Variants in MAPK10 observed in about 807,000 individuals in gnomAD.
MAPK10 encodes JNK3 alpha protein kinase.
Under a neutral mutation model 59.3 loss-of-function variants are expected in MAPK10, and 25 were observed. The observed-to-expected ratio is 0.42, with a 90% CI of 0.31 to 0.59. MAPK10 has a LOEUF of 0.59. MAPK10 is among the 20% of genes least tolerant of loss of function. The pLI is 0.15. For missense variants in MAPK10, 351 were observed against 568.9 expected (o/e 0.62, Z 3.90); for synonymous variants, 190 against 200.5 (o/e 0.95, Z 0.44).
At chr4:86,464,922 GT>G (rs1236552298) in intron 1 of MAPK10, among the ~76,000 whole-genome samples, 1 of 152,152 alleles carries the variant, frequency 6.6e-6, no homozygotes, top group Non-Finnish European at 1.5e-5. Context: ...TAATCGCCTA[GT>G]TGCTAATGCA....
chr4:86,136,711 G>A (rs537878209), intron 4 of MAPK10, among the ~76,000 whole-genome samples: 4,996 of 147,764 alleles, frequency 0.034, 317 homozygotes, highest in African/African-American at 0.12. Context: ...AAATGGACTA[G>A]ATGCTCCAAT....
At chr4:86,283,773 G>A (rs2094904600) in intron 2 of MAPK10, among the ~76,000 whole-genome samples, 1 of 152,160 alleles carries the variant, frequency 6.6e-6, no homozygotes, top group Admixed American at 6.5e-5. Context: ...TGCTTGTAGT[G>A]CAGGTTATCA....
intron 2 of MAPK10, among the ~76,000 whole-genome samples, chr4:86,220,353 A>AC (rs1243779377): frequency 6.6e-6 from 1 of 152,178 alleles, no homozygotes; most frequent in Non-Finnish European, 1.5e-5. Flanking sequence ...ACAAAACAAA[A>AC]AAAAAATGAG....
In MAPK10 at chr4:86,444,720, GA is replaced by G. The variant is rs199955104; in HGVS notation, c.-122+8309del. Among the ~76,000 whole-genome samples, 323 of 127,036 alleles carry G rather than the reference GA, an allele frequency of 2.5e-3. 4 individuals carry two copies. Among genetic ancestry groups the G allele is most frequent in the African/African-American group, 7.0e-3 (242 of 34,674 alleles). The allele number at this position is 127,036 out of a possible 152,430, so 83.3% of individuals were successfully genotyped here. ...ACAGGGGACTTAAACAAATTTACAA[GA>G]AAAAAAAAAAACAACCCTATCAAAA... On this transcript the variant is annotated intron_variant, in intron 1 of 13. Transcript: ENST00000361569.
intron 9 of MAPK10, among the ~76,000 whole-genome samples, chr4:86,076,047 T>A (rs1467453950): frequency 1.3e-5 from 2 of 152,002 alleles, no homozygotes; most frequent in Non-Finnish European, 2.9e-5. Context: ...ATCAGCGAGA[T>A]TCCGTGGGCG....
chr4:86,224,223 AGAG>A (rs1301178805), intron 2 of MAPK10, among the ~76,000 whole-genome samples: 1 of 152,222 alleles, frequency 6.6e-6, no homozygotes, highest in African/African-American at 2.4e-5. Context: ...CTAAGAATAC[AGAG>A]GAGTTGTCAG....
At chr4:86,452,126 C>T (rs1030119860) in intron 1 of MAPK10, among the ~76,000 whole-genome samples, 26 of 152,274 alleles carry the variant, frequency 1.7e-4, no homozygotes, top group African/African-American at 5.5e-4. Flanking sequence ...CCAGAGTCTG[C>T]ACACTCCTCC....
intron 1 of MAPK10, among the ~76,000 whole-genome samples, chr4:86,532,298 C>T (rs1341961575): frequency 2.0e-5 from 3 of 152,008 alleles, no homozygotes; most frequent in Non-Finnish European, 4.4e-5. Flanking sequence ...AGACATTTCC[C>T]AAGCTACTAT....
At chr4:86,052,978 G>A (rs1245432634) in intron 11 of MAPK10, among the ~76,000 whole-genome samples, 3 of 151,926 alleles carry the variant, frequency 2.0e-5, no homozygotes, top group African/African-American at 7.3e-5. Context: ...GAGCCACTGT[G>A]CCTGGAGGGT....
intron 1 of MAPK10, among the ~76,000 whole-genome samples, chr4:86,577,591 G>T (rs1473075257): frequency 6.6e-6 from 1 of 152,114 alleles, no homozygotes; most frequent in Non-Finnish European, 1.5e-5. Flanking sequence ...GGAGATTTAT[G>T]TTTCTGATAG....
intron 13 of MAPK10, chr4:86,027,628 G>A (rs184656865): frequency 1.3e-5 from 2 of 152,192 alleles, no homozygotes; most frequent in Admixed American, 1.3e-4. Context: ...TTTTGTGTTT[G>A]GAATAGTACT....
intron 4 of MAPK10, among the ~76,000 whole-genome samples, chr4:86,136,861 CA>C (rs1433981511): frequency 6.6e-6 from 1 of 151,266 alleles, no homozygotes; most frequent in Admixed American, 6.6e-5. Flanking sequence ...CAATGGAAAA[CA>C]AAAAAAGGCA....
rs1323301145 is a variant in MAPK10 at position 86,010,669 on chromosome 4, A to G, written c.*6559T>C. ...CCTTTTATAAAAGAAATACTTTAATATTATGAATTCTCTTGGTCTGTGTAA... is the reference window on the plus strand; with the variant it reads ...CCTTTTATAAAAGAAATACTTTAATGTTATGAATTCTCTTGGTCTGTGTAA... On this transcript the variant is annotated 3_prime_UTR_variant, in exon 14 of 14. Coordinates refer to ENST00000641462, the MANE Select transcript of MAPK10 (RefSeq NM_138982.4). 2 of 152,244 alleles carry G rather than the reference A, an allele frequency of 1.3e-5. No homozygotes were observed. The highest frequency in any genetic ancestry group is 6.5e-5 in the Admixed American group (1 of 15,288). The allele number at this position is 152,244 out of a possible 1,614,324, so 9.4% of individuals were successfully genotyped here. A position where few individuals can be genotyped will look rare whatever the true frequency, so the allele number is the denominator to read the frequency against.
At chr4:86,339,463 T>A (rs1723579925) in intron 2 of MAPK10, among the ~76,000 whole-genome samples, 1 of 152,230 alleles carries the variant, frequency 6.6e-6, no homozygotes, top group African/African-American at 2.4e-5. Context: ...GAACCAGATT[T>A]ATCTGACCGT....
At chr4:86,335,776 G>C (rs1281107982) in intron 2 of MAPK10, among the ~76,000 whole-genome samples, 1 of 152,206 alleles carries the variant, frequency 6.6e-6, no homozygotes. Flanking sequence ...GGCGGCAAGA[G>C]AGAGAAGTGT....
At chr4:86,262,935 A>C (rs555012134) in intron 2 of MAPK10, among the ~76,000 whole-genome samples, 109 of 152,340 alleles carry the variant, frequency 7.2e-4, no homozygotes, top group Middle Eastern at 6.8e-3. Context: ...CTTGCCCTCC[A>C]GCTTCCTGTC....
chr4:86,448,071 A>G (rs1379624427), intron 1 of MAPK10, among the ~76,000 whole-genome samples: 2 of 152,204 alleles, frequency 1.3e-5, no homozygotes, highest in Admixed American at 6.5e-5. Flanking sequence ...TGGGAGTTAG[A>G]TTATGTTAAT....
chr4:86,165,313 G>A (rs913114515), intron 3 of MAPK10, among the ~76,000 whole-genome samples: 2 of 151,962 alleles, frequency 1.3e-5, no homozygotes, highest in Non-Finnish European at 2.9e-5. Context: ...ATGTTCTGGG[G>A]TGGCAAAAAG....
chr4:86,395,559 G>C (rs1742797700), intron 1 of MAPK10, among the ~76,000 whole-genome samples: 1 of 152,202 alleles, frequency 6.6e-6, no homozygotes, highest in South Asian at 2.1e-4. Flanking sequence ...GGCGGAGGGA[G>C]TTGTGGCTGG....
Sources: gnomAD v4.1 joint callset for allele counts (sites outside exome capture counted in the v4.1 genomes callset) on GRCh38, gnomAD v4.1.1 for gene constraint, MANE v1.5 for transcripts, NCBI Gene and HGNC (gene_info 2026-07-23, HGNC 2026-07-21) for gene names.